Variants in MARCHF11 observed in about 807,000 individuals in gnomAD.
MARCHF11 encodes the protein membrane associated ring-CH-type finger 11, also known as E3 ubiquitin-protein ligase MARCHF11.
Under a neutral mutation model 37.3 loss-of-function variants are expected in MARCHF11, and 29 were observed. That is an observed-to-expected ratio of 0.78 (90% CI 0.58 to 1.06). MARCHF11 has a LOEUF of 1.06. Ranked by LOEUF, MARCHF11 falls within the 50% of genes least tolerant of loss-of-function variation. The pLI, the probability that MARCHF11 is intolerant of heterozygous loss-of-function variation, is 0.00. For synonymous variants in MARCHF11, 233 were observed against 228.0 expected, an observed-to-expected ratio of 1.02 and a Z score of -0.20; for missense variants, 482 against 533.4, an observed-to-expected ratio of 0.90 and a Z score of 0.95.
At chr5:16,113,286 A>G (rs1264320538) in intron 2 of MARCHF11, among the ~76,000 whole-genome samples, 2 of 152,198 alleles carry the variant, frequency 1.3e-5, no homozygotes, top group East Asian at 1.9e-4. Context: ...AGTAGAGGAT[A>G]TTTCCATTCT....
intron 2 of MARCHF11, among the ~76,000 whole-genome samples, chr5:16,139,543 G>A (rs1203016482): frequency 2.0e-5 from 3 of 151,860 alleles, no homozygotes; most frequent in Non-Finnish European, 2.9e-5. Flanking sequence ...ATAACAGCTT[G>A]GGCAAAAGCA....
intron 2 of MARCHF11, among the ~76,000 whole-genome samples, chr5:16,130,153 A>G (rs1290190501): frequency 6.6e-6 from 1 of 152,032 alleles, no homozygotes; most frequent in Non-Finnish European, 1.5e-5. Flanking sequence ...CATATTTAAT[A>G]ATTATATCCT....
At chr5:16,150,512 A>G (rs3910976) in intron 2 of MARCHF11, among the ~76,000 whole-genome samples, 5,479 of 149,358 alleles carry the variant, frequency 0.037, 988 homozygotes, top group African/African-American at 0.13. Context: ...GGGATCTACA[A>G]ACAGGTTTAA....
chr5:16,138,594 C>T (rs1737650488), intron 2 of MARCHF11, among the ~76,000 whole-genome samples: 1 of 152,184 alleles, frequency 6.6e-6, no homozygotes, highest in African/African-American at 2.4e-5. Context: ...TCACCATCCT[C>T]CAGAACCCTG....
rs1371958866 is a variant in MARCHF11, at chr5:16,179,449, G to A, written c.127C>T (p.Pro43Ser). The change falls in exon 1 of 4, where the codon CCC becomes TCC. Residue 43 changes from proline to serine, a missense_variant. Pro to Ser is a moderately conservative substitution (Grantham distance 74, BLOSUM62 -1). Coordinates refer to ENST00000332432, the MANE Select transcript of MARCHF11 (RefSeq NM_001102562.3). ...GGCGGCAGGTAGCGCGGGGCCGCGG[G>A]GACCGGGGCCGGCTCTCCCGGCGGC... ...TPPPGEPAPV[P>S]AAPRYLPPLP... is the part of the protein sequence containing the mutation. 1.8e-6 allele frequency: 2 copies of A among 1,116,628 alleles called. No individual in the cohort carries two copies. Among genetic ancestry groups the A allele is most frequent in the African/African-American group, 1.7e-5 (1 of 59,948 alleles). The allele number at this position is 1,116,628 out of a possible 1,614,324, so 69.2% of individuals were successfully genotyped here.
chr5:16,110,770 A>G (rs1737123832), intron 2 of MARCHF11, among the ~76,000 whole-genome samples: 2 of 152,238 alleles, frequency 1.3e-5, no homozygotes, highest in Admixed American at 6.5e-5. Flanking sequence ...AATCTGTATC[A>G]TATCGAAAAC....
chr5:16,171,956 GA>G, intron 2 of MARCHF11, among the ~76,000 whole-genome samples: 1 of 152,270 alleles, frequency 6.6e-6, no homozygotes, highest in South Asian at 2.1e-4. Context: ...AAAAGGGCTG[GA>G]AAATGTAGAA....
intron 2 of MARCHF11, among the ~76,000 whole-genome samples, chr5:16,103,470 C>T (rs1194000692): frequency 2.0e-5 from 3 of 152,090 alleles, no homozygotes; most frequent in Non-Finnish European, 2.9e-5. Flanking sequence ...AAGGCAATGA[C>T]GATTACAAAA....
At chr5:16,079,538 C>T (rs1324928291) in intron 3 of MARCHF11, among the ~76,000 whole-genome samples, 1 of 152,210 alleles carries the variant, frequency 6.6e-6, no homozygotes, top group Admixed American at 6.5e-5. Flanking sequence ...TCTGCACTTA[C>T]TCTTCATCCC....
intron 2 of MARCHF11, among the ~76,000 whole-genome samples, chr5:16,134,998 T>TCTCTCTCTCTCA (rs137865822): frequency 1.4e-5 from 2 of 143,804 alleles, no homozygotes; most frequent in Admixed American, 7.0e-5. Context: ...TCTCTCTCTC[T>TCTCTCTCTCTCA]CACACACACA....
intron 2 of MARCHF11, among the ~76,000 whole-genome samples, chr5:16,149,534 C>T (rs937831397): frequency 1.3e-5 from 2 of 152,092 alleles, no homozygotes; most frequent in Non-Finnish European, 1.5e-5. Context: ...TTGTCATTGA[C>T]TGCTTGATGG....
chr5:16,162,295 A>AT (rs1738092411), intron 2 of MARCHF11, among the ~76,000 whole-genome samples: 1 of 152,082 alleles, frequency 6.6e-6, no homozygotes, highest in South Asian at 2.1e-4. Flanking sequence ...TATAAAATAG[A>AT]TTGAGAAAAC....
chr5:16,077,819 G>C (rs2126547186), intron 3 of MARCHF11, among the ~76,000 whole-genome samples: 1 of 152,224 alleles, frequency 6.6e-6, no homozygotes, highest in Non-Finnish European at 1.5e-5. Context: ...GAGAGAAATG[G>C]CTTTTGGTAT....
chr5:16,117,247 C>T (rs183113891), intron 2 of MARCHF11, among the ~76,000 whole-genome samples: 10 of 152,198 alleles, frequency 6.6e-5, no homozygotes, highest in East Asian at 5.8e-4. Context: ...TGATTTTCTT[C>T]GATACAGAGA....
intron 3 of MARCHF11, among the ~76,000 whole-genome samples, chr5:16,086,924 G>T (rs1401147139): frequency 6.6e-6 from 1 of 152,150 alleles, no homozygotes; most frequent in African/African-American, 2.4e-5. Flanking sequence ...CCTTCTGCCG[G>T]GCAGGTGTAC....
intron 2 of MARCHF11, among the ~76,000 whole-genome samples, chr5:16,147,252 T>G (rs1737814414): frequency 1.3e-5 from 2 of 152,130 alleles, no homozygotes; most frequent in Non-Finnish European, 2.9e-5. Context: ...TATTTAAAAA[T>G]CACTGCTAAA....
At chr5:16,133,905 T>C (rs543403524) in intron 2 of MARCHF11, among the ~76,000 whole-genome samples, 1 of 152,248 alleles carries the variant, frequency 6.6e-6, no homozygotes, top group South Asian at 2.1e-4. Flanking sequence ...CCATAGCTTG[T>C]ACAAGGTTGG....
At chr5:16,126,303 T>A (rs190099538) in intron 2 of MARCHF11, among the ~76,000 whole-genome samples, 1 of 152,316 alleles carries the variant, frequency 6.6e-6, no homozygotes, top group East Asian at 1.9e-4. Flanking sequence ...CTGATTAGCA[T>A]GGTGCTCCCC....
chr5:16,168,409 G>A (rs913903079), intron 2 of MARCHF11, among the ~76,000 whole-genome samples: 7 of 152,160 alleles, frequency 4.6e-5, no homozygotes, highest in South Asian at 2.1e-4. Flanking sequence ...TGTTGGCTTC[G>A]CATGTTTTAA....
Sources: gnomAD v4.1 joint callset for allele counts (sites outside exome capture counted in the v4.1 genomes callset) on GRCh38, gnomAD v4.1.1 for gene constraint, MANE v1.5 for transcripts, NCBI Gene and HGNC (gene_info 2026-07-23, HGNC 2026-07-21) for gene names.